CLASP2: variants seen among roughly 807,000 people sequenced by gnomAD.
The protein encoded by CLASP2 is cytoplasmic linker associated protein 2, also known as CLIP-associating protein 2.
Under a neutral mutation model 194.4 loss-of-function variants are expected in CLASP2, and 47 were observed. The ratio of observed to expected loss-of-function variants is 0.24; its 90% confidence interval spans 0.19 to 0.31. CLASP2 has a LOEUF of 0.31. Ranked by LOEUF, CLASP2 falls within the 10% of genes least tolerant of loss-of-function variation. CLASP2 has a pLI of 1.00. For synonymous variants in CLASP2, 619 were observed against 633.5 expected (o/e 0.98, Z 0.34); for missense variants, 1,445 against 1,823.6 (o/e 0.79, Z 3.78).
At chr3:33,572,741 A>G (rs2064032108) in intron 25 of CLASP2, among the ~76,000 whole-genome samples, 1 of 152,138 alleles carries the variant, frequency 6.6e-6, no homozygotes, top group African/African-American at 2.4e-5. Context: ...AAGCATAAAC[A>G]TTCTTCTTCT....
At chr3:33,509,475 A>G (rs991253578) in intron 37 of CLASP2, among the ~76,000 whole-genome samples, 1 of 152,200 alleles carries the variant, frequency 6.6e-6, no homozygotes, top group Non-Finnish European at 1.5e-5. Context: ...TTGGCCTCCC[A>G]AAGTGCTGGT....
At chr3:33,623,553 C>T (rs2154281859) in intron 10 of CLASP2, among the ~76,000 whole-genome samples, 1 of 152,000 alleles carries the variant, frequency 6.6e-6, no homozygotes, top group East Asian at 1.9e-4. Flanking sequence ...TGGCTTATTT[C>T]ACTAAACATA....
Position 33,581,905 on chromosome 3 carries a change from G to A in CLASP2, c.2263C>T (p.Pro755Ser). 6.2e-7 allele frequency: 1 copy of A among 1,613,494 alleles called. No homozygotes were observed. Among genetic ancestry groups the A allele is most frequent in the Non-Finnish European group, 8.5e-7 (1 of 1,179,660 alleles). ...CGGCTGCATCCTTGACTCACACTTG[G>A]TCGAGGAATACGACTGCTTCGGGCT... ...SVARSSRIPR[P>S]SVSQGCSREA... Residue 755 changes from proline to serine, a missense_variant, in exon 23 of 39, where the codon CCA becomes TCA. This residue lies in a region of CLASP2 where 732 missense variants were observed against 987.9 expected (regional missense o/e 0.74). Coordinates refer to ENST00000682230, the MANE Select transcript of CLASP2 (RefSeq NM_001365631.1).
chr3:33,518,434 G>T (rs1351284393), intron 34 of CLASP2, among the ~76,000 whole-genome samples: 2 of 152,146 alleles, frequency 1.3e-5, no homozygotes, highest in Non-Finnish European at 2.9e-5. Flanking sequence ...GACCTTGAGG[G>T]ATTTCAGCAG....
intron 11 of CLASP2, among the ~76,000 whole-genome samples, chr3:33,620,475 T>C (rs2076928307): frequency 6.6e-6 from 1 of 152,222 alleles, no homozygotes; most frequent in Non-Finnish European, 1.5e-5. Flanking sequence ...ATGGTTGAGA[T>C]AGAGTTAGCT....
intron 6 of CLASP2, among the ~76,000 whole-genome samples, chr3:33,666,109 A>G (rs1002738956): frequency 3.3e-5 from 5 of 152,234 alleles, no homozygotes; most frequent in African/African-American, 4.8e-5. Flanking sequence ...TCCAGACTTA[A>G]AAGTTTAGAA....
chr3:33,529,700 G>A (rs1004023112), intron 34 of CLASP2, among the ~76,000 whole-genome samples: 3 of 152,178 alleles, frequency 2.0e-5, no homozygotes, highest in African/African-American at 4.8e-5. Flanking sequence ...AAAGATCTTC[G>A]GCCGGGCGCG....
chr3:33,606,731 A>C lies in CLASP2; in HGVS notation c.1554T>G (p.Phe518Leu). 1 of 1,612,830 alleles carries C rather than the reference A, an allele frequency of 6.2e-7. No individual in the cohort carries two copies. The highest frequency in any genetic ancestry group is 8.5e-7 in the Non-Finnish European group (1 of 1,179,334). Residue 518 changes from phenylalanine to leucine, a missense_variant, in exon 16 of 39, where the codon TTT (phenylalanine) becomes TTG (leucine). Transcript: ENST00000682230. ...TATATAATGTTTCAGCTTCACCAGG[A>C]AAGTGGTTTCTAAGACCCATGTATG... ...RKTYMGLRNH[F>L]PGEAETLYNS...
intron 3 of CLASP2, among the ~76,000 whole-genome samples, chr3:33,689,363 G>T (rs2091080541): frequency 6.6e-6 from 1 of 151,024 alleles, no homozygotes; most frequent in South Asian, 2.1e-4. Context: ...GAGAGTGGAA[G>T]GATACCCACC....
chr3:33,650,837 G>A lies in CLASP2; in HGVS notation c.716-5934C>T, dbSNP rs138772351. Among the ~76,000 whole-genome samples the A allele has an allele frequency of 1.4e-3, 211 of 152,176 alleles. 2 individuals are homozygous for A. The highest frequency in any genetic ancestry group is 3.4e-3 in the Middle Eastern group (1 of 294). On this transcript the variant is annotated intron_variant, in intron 7 of 38. Coordinates refer to ENST00000682230, the MANE Select transcript of CLASP2 (RefSeq NM_001365631.1). ...GGAAAAAGAAGACCAAGTAAGATAA[G>A]GTTTTACTTTTTGTTGCCTTCAAGT...
At chr3:33,684,728 G>A (rs1373358804) in intron 5 of CLASP2, among the ~76,000 whole-genome samples, 1 of 152,022 alleles carries the variant, frequency 6.6e-6, no homozygotes, top group African/African-American at 2.4e-5. Context: ...GGCCAGGCAC[G>A]GTGGCTCATG....
chr3:33,598,686 G>A (rs556526461), intron 18 of CLASP2, among the ~76,000 whole-genome samples: 14 of 152,204 alleles, frequency 9.2e-5, no homozygotes, highest in African/African-American at 1.2e-4. Flanking sequence ...ACCGTCAGGC[G>A]TAACAATAAT....
At chr3:33,578,124 A>G (rs957195768) in intron 23 of CLASP2, among the ~76,000 whole-genome samples, 1 of 152,190 alleles carries the variant, frequency 6.6e-6, no homozygotes, top group Non-Finnish European at 1.5e-5. Flanking sequence ...CTCTGCCCTT[A>G]AACAGTAGAT....
chr3:33,663,566 T>C (rs1194750605), intron 6 of CLASP2, 51 bp from the exon 7 acceptor site: 2 of 1,280,816 alleles, frequency 1.6e-6, no homozygotes, highest in African/African-American at 2.9e-5. Context: ...AACATATAGA[T>C]TAAATAGAAA....
intron 9 of CLASP2, among the ~76,000 whole-genome samples, chr3:33,630,558 T>A (rs2078907984): frequency 6.6e-6 from 1 of 150,562 alleles, no homozygotes; most frequent in Non-Finnish European, 1.5e-5. Flanking sequence ...TTAAAGAGCG[T>A]AAAAAAAAAA....
At chr3:33,708,291 T>C (rs1235360182) in intron 1 of CLASP2, among the ~76,000 whole-genome samples, 2 of 151,606 alleles carry the variant, frequency 1.3e-5, no homozygotes, top group South Asian at 2.1e-4. Flanking sequence ...TGACTTTTTT[T>C]TTTTTTTAAA....
chr3:33,636,497 A>G (rs1197087450), intron 8 of CLASP2, among the ~76,000 whole-genome samples: 2 of 152,348 alleles, frequency 1.3e-5, no homozygotes, highest in East Asian at 3.9e-4. Context: ...AATATTAACT[A>G]AACAGCAATT....
At chr3:33,550,392 C>CAAAAAAAAAA (rs555351261) in intron 30 of CLASP2, among the ~76,000 whole-genome samples, 4 of 51,648 alleles carry the variant, frequency 7.7e-5, no homozygotes, top group Non-Finnish European at 1.5e-4. Flanking sequence ...GAGACTGCCT[C>CAAAAAAAAAA]AAAAAAAAAA....
At chr3:33,608,039 G>A (rs2074272591) in intron 14 of CLASP2, among the ~76,000 whole-genome samples, 1 of 152,186 alleles carries the variant, frequency 6.6e-6, no homozygotes. Context: ...TGAAGTTAAT[G>A]AGAAATATAG....
Sources: gnomAD v4.1 joint callset for allele counts (sites outside exome capture counted in the v4.1 genomes callset) on GRCh38, gnomAD v4.1.1 for gene constraint, gnomAD v4.1.1 regional missense constraint, MANE v1.5 for transcripts, NCBI Gene and HGNC (gene_info 2026-07-23, HGNC 2026-07-21) for gene names.